Variants in ADGRB1 observed in about 807,000 individuals in gnomAD.
ADGRB1 encodes adhesion G protein-coupled receptor B1, also known as brain-specific angiogenesis inhibitor 1.
ADGRB1 carries 36 observed loss-of-function variants against 175.7 expected under a neutral mutation model. That is an observed-to-expected ratio of 0.20 (90% CI 0.16 to 0.27). The LOEUF (loss-of-function observed/expected upper bound fraction) is 0.27. Ranked by LOEUF, ADGRB1 falls within the 10% of genes least tolerant of loss-of-function variation. ADGRB1 has a pLI of 1.00. For missense variants in ADGRB1, 1,731 were observed against 2,255.3 expected, an observed-to-expected ratio of 0.77 and a Z score of 4.71; for synonymous variants, 1,054 against 979.4, an observed-to-expected ratio of 1.08 and a Z score of -1.42.
intron 24 of ADGRB1, among the ~76,000 whole-genome samples, chr8:142,530,106 C>T (rs58746222): frequency 0.14 from 21,941 of 151,738 alleles, 1,671 homozygotes; most frequent in South Asian, 0.26. Flanking sequence ...TGATATTTTG[C>T]GTTAGTGTGT....
chr8:142,460,292 G>A (rs2131649086), intron 1 of ADGRB1, among the ~76,000 whole-genome samples: 1 of 152,334 alleles, frequency 6.6e-6, no homozygotes, highest in Non-Finnish European at 1.5e-5. Context: ...GGAGGCCCGT[G>A]CCCACTGGCA....
At chr8:142,479,905 C>A in intron 9 of ADGRB1, 111 bp downstream of exon 9, 1 of 1,222,488 alleles carries the variant, frequency 8.2e-7, no homozygotes, top group Non-Finnish European at 1.1e-6. Context: ...GGAGCCCAGA[C>A]AGCCTGCGTG....
chr8:142,486,536 A>G (rs78305986), intron 13 of ADGRB1, among the ~76,000 whole-genome samples: 4,441 of 152,282 alleles, frequency 0.029, 159 homozygotes, highest in African/African-American at 0.08. Context: ...CAGTCCGAGG[A>G]TATTTAAGTT....
chr8:142,488,176 G>C (rs758429344), intron 13 of ADGRB1, among the ~76,000 whole-genome samples, 188 bp from the exon 14 acceptor site: 3 of 152,178 alleles, frequency 2.0e-5, no homozygotes, highest in Non-Finnish European at 4.4e-5. Context: ...TCTGCTCCTG[G>C]ACCTCACCGA....
At chr8:142,466,502 A>G (rs1362335667) in intron 2 of ADGRB1, among the ~76,000 whole-genome samples, 1 of 152,150 alleles carries the variant, frequency 6.6e-6, no homozygotes, top group Non-Finnish European at 1.5e-5. Context: ...AGGAGGAGGG[A>G]GGCAGCGCCC....
chr8:142,483,224 T>TCA (rs1357013591), intron 11 of ADGRB1, among the ~76,000 whole-genome samples: 1 of 118,510 alleles, frequency 8.4e-6, no homozygotes, highest in Non-Finnish European at 1.7e-5. Flanking sequence ...CTGACCCTGG[T>TCA]CGCACTGAGC....
chr8:142,521,084 T>C (rs1843813058), intron 20 of ADGRB1, among the ~76,000 whole-genome samples, 159 bp downstream of exon 20: 1 of 152,108 alleles, frequency 6.6e-6, no homozygotes, highest in African/African-American at 2.4e-5. Context: ...CCCTGCCCTC[T>C]GCTGTGGCTG....
intron 3 of ADGRB1, among the ~76,000 whole-genome samples, chr8:142,475,922 T>C (rs892635083): frequency 6.6e-6 from 1 of 152,068 alleles, no homozygotes; most frequent in African/African-American, 2.4e-5. Context: ...GAGTGGGGCC[T>C]AGCCGGGGGA....
chr8:142,467,169 T>C (rs1310269256), intron 2 of ADGRB1, among the ~76,000 whole-genome samples: 1 of 152,182 alleles, frequency 6.6e-6, no homozygotes, highest in Non-Finnish European at 1.5e-5. Flanking sequence ...GCAGGCACCC[T>C]ATGGTGTAAG....
At chr8:142,536,814 C>A (rs1002781410) in intron 25 of ADGRB1, among the ~76,000 whole-genome samples, 173 bp from the exon 26 acceptor site, 1 of 152,074 alleles carries the variant, frequency 6.6e-6, no homozygotes, top group African/African-American at 2.4e-5. Context: ...CCTTCTCCAC[C>A]CAGTGGGTCA....
At position 142,537,177 on chromosome 8, in the gene ADGRB1, GC is replaced by G; in HGVS notation, c.3666+99del. 1 of 1,014,764 alleles carries G rather than the reference GC, an allele frequency of 9.9e-7. No individual in the cohort carries two copies. The highest frequency in any genetic ancestry group is 1.3e-6 in the Non-Finnish European group (1 of 740,764). 62.9% of individuals were successfully genotyped at this position (1,014,764 alleles called of 1,614,324 possible). A position where few individuals can be genotyped will look rare whatever the true frequency, so the allele number is the denominator to read the frequency against. ...CTCACCGTGCCCCAAGCTCCCCTAG[GC>G]CCCAGCAACCCTGCTGAGAGGAGCT... is the stretch of plus-strand genomic sequence containing the variant. On this transcript the variant is annotated intron_variant, in intron 26 of 30. Coordinates refer to ENST00000517894, the MANE Select transcript of ADGRB1 (RefSeq NM_001702.3). The surrounding 1 kb of genome is among the most constrained non-coding windows in gnomAD (Gnocchi z 4.6).
chr8:142,481,166 C>T, intron 9 of ADGRB1, 88 bp from the exon 10 acceptor site: 5 of 1,280,784 alleles, frequency 3.9e-6, no homozygotes, highest in Non-Finnish European at 5.7e-6. Context: ...CACAGGGTCC[C>T]TTCCAGAAGG....
At chr8:142,454,992 A>G (rs1839577941) in intron 1 of ADGRB1, among the ~76,000 whole-genome samples, 1 of 151,052 alleles carries the variant, frequency 6.6e-6, no homozygotes, top group Non-Finnish European at 1.5e-5. Flanking sequence ...CATGGGTTTC[A>G]CAAACACAAA....
In ADGRB1 at chr8:142,526,588, A is replaced by G; in HGVS notation, c.3359A>G (p.Lys1120Arg). ...GILVFNKLVS[K>R]DGITDKKLKE... ...CTGGTGTTCAACAAGCTCGTGTCCA[A>G]AGACGGCATCACGGACAAGAAGCTG... Residue 1120 changes from lysine to arginine, a missense_variant, in exon 24 of 31, where the codon AAA becomes AGA. Physicochemically the swap from Lys to Arg is conservative, Grantham distance 26. Coordinates refer to ENST00000517894, the MANE Select transcript of ADGRB1 (RefSeq NM_001702.3). The G allele has an allele frequency of 6.2e-7, 1 of 1,612,236 alleles. No individual in the cohort carries two copies. Among genetic ancestry groups the G allele is most frequent in the Non-Finnish European group, 8.5e-7 (1 of 1,179,434 alleles).
intron 9 of ADGRB1, 85 bp downstream of exon 9, chr8:142,479,879 G>A: frequency 7.1e-7 from 1 of 1,414,932 alleles, no homozygotes; most frequent in Non-Finnish European, 9.6e-7. Flanking sequence ...TCAGCACTGG[G>A]AGGCGGCCCA....
chr8:142,515,395 C>T (rs1479683282), intron 18 of ADGRB1, among the ~76,000 whole-genome samples: 3 of 152,208 alleles, frequency 2.0e-5, no homozygotes, highest in Non-Finnish European at 4.4e-5. Flanking sequence ...GAGCAACGGC[C>T]GTCGGGAGTG....
intron 17 of ADGRB1, among the ~76,000 whole-genome samples, chr8:142,499,825 G>C (rs1458613573): frequency 6.6e-6 from 1 of 152,228 alleles, no homozygotes; most frequent in Non-Finnish European, 1.5e-5. Context: ...GTGCCTGCTC[G>C]GTGCCGGGCC....
intron 24 of ADGRB1, among the ~76,000 whole-genome samples, chr8:142,532,427 G>A (rs910318868): frequency 6.6e-6 from 1 of 152,212 alleles, no homozygotes; most frequent in African/African-American, 2.4e-5. Flanking sequence ...GGGCTGCAGG[G>A]GCGAGGGCTG....
intron 2 of ADGRB1, among the ~76,000 whole-genome samples, chr8:142,465,455 C>T (rs1009337378): frequency 5.9e-5 from 9 of 151,786 alleles, no homozygotes; most frequent in African/African-American, 2.2e-4. Flanking sequence ...GTCCTGGGGA[C>T]TCGGGCTGCG....
Sources: allele counts gnomAD v4.1 joint callset (sites outside exome capture counted in the v4.1 genomes callset), GRCh38; gene constraint gnomAD v4.1.1; non-coding constraint Gnocchi (gnomAD v3.1); transcripts MANE v1.5; gene names NCBI Gene and HGNC (gene_info 2026-07-23, HGNC 2026-07-21).